UBE2J1: variants seen among roughly 807,000 people sequenced by gnomAD.
The protein encoded by UBE2J1 is ubiquitin-conjugating enzyme E2 J1.
In UBE2J1, 17 loss-of-function variants were observed where a neutral mutation model predicts 42.1. That is an observed-to-expected ratio of 0.40 (90% CI 0.28 to 0.61). The LOEUF is 0.61. Ranked by LOEUF, UBE2J1 falls within the 20% of genes least tolerant of loss-of-function variation. The probability of loss-of-function intolerance (pLI) is 0.38; values close to 1 mark genes in which losing one functional copy is unlikely to be tolerated. For synonymous variants in UBE2J1, 127 were observed against 137.2 expected (o/e 0.93, Z 0.52); for missense variants, 291 against 389.4 (o/e 0.75, Z 2.13).
In UBE2J1 at chr6:89,327,754, G is replaced by A. The variant is rs564914052; in HGVS notation, c.*1925C>T. Reference sequence around the variant, plus strand: ...GCAATAAGATCACATCGATCCAGAGGCTGGCTCAAGTTTGACTGAGGGGAA... The same window carrying A: ...GCAATAAGATCACATCGATCCAGAGACTGGCTCAAGTTTGACTGAGGGGAA... On this transcript the variant is annotated 3_prime_UTR_variant, in exon 8 of 8. Coordinates refer to ENST00000435041, the MANE Select transcript of UBE2J1 (RefSeq NM_016021.3). 1 of 152,330 alleles carries A rather than the reference G, an allele frequency of 6.6e-6. No individual in the cohort carries two copies. Among genetic ancestry groups the A allele is most frequent in the Non-Finnish European group, 1.5e-5 (1 of 68,038 alleles). 9.4% of individuals were successfully genotyped at this position (152,330 alleles called of 1,614,324 possible). A position where few individuals can be genotyped will look rare whatever the true frequency, so the allele number is the denominator to read the frequency against.
chr6:89,345,822 G>A (rs1347674066), intron 1 of UBE2J1, among the ~76,000 whole-genome samples: 7 of 151,312 alleles, frequency 4.6e-5, no homozygotes, highest in Admixed American at 3.9e-4. Flanking sequence ...CAGGAGAATC[G>A]CTTAAACCCA....
At chr6:89,352,504 C>A in intron 1 of UBE2J1, 35 bp downstream of exon 1, 1 of 1,552,770 alleles carries the variant, frequency 6.4e-7, no homozygotes, top group African/African-American at 1.4e-5. Context: ...AGGGTCACTC[C>A]GCCCTCCTCG....
chr6:89,341,693 C>T (rs1288066970), intron 3 of UBE2J1, among the ~76,000 whole-genome samples: 1 of 151,562 alleles, frequency 6.6e-6, no homozygotes, highest in African/African-American at 2.4e-5. Context: ...TACTGCGCTC[C>T]AGCCTGGGCA....
Position 89,327,139 on chromosome 6 carries a change from A to G in UBE2J1, c.*2540T>C, listed in dbSNP as rs547401051. On this transcript the variant is annotated 3_prime_UTR_variant, in exon 8 of 8. Transcript: ENST00000435041. ...GTGCTACATAAAAGCCCCACATTACATAAATTTTGAAAAGTTTATTGGCTT... is the reference window on the plus strand; with the variant it reads ...GTGCTACATAAAAGCCCCACATTACGTAAATTTTGAAAAGTTTATTGGCTT... 4 of 152,762 alleles carry G rather than the reference A, an allele frequency of 2.6e-5. No homozygotes were observed. The highest frequency in any genetic ancestry group is 4.1e-4 in the South Asian group (2 of 4,832). The allele number at this position is 152,762 out of a possible 1,614,324, so 9.5% of individuals were successfully genotyped here. A position where few individuals can be genotyped will look rare whatever the true frequency, so the allele number is the denominator to read the frequency against.
chr6:89,345,113 A>C, intron 1 of UBE2J1, among the ~76,000 whole-genome samples: 1 of 152,216 alleles, frequency 6.6e-6, no homozygotes, highest in South Asian at 2.1e-4. Flanking sequence ...TGGAAGAGAA[A>C]AGGAGTCAGG....
intron 5 of UBE2J1, among the ~76,000 whole-genome samples, chr6:89,336,724 T>G (rs1768114777): frequency 6.6e-6 from 1 of 152,126 alleles, no homozygotes; most frequent in Admixed American, 6.5e-5. Flanking sequence ...TACAAATTAT[T>G]TGCTTCAAAA....
In UBE2J1 at chr6:89,342,323, C is replaced by A. The variant is rs1768260516; in HGVS notation, c.237+1G>T. ...GCACTCTAAAAATCCAAAATTCTTA[C>A]CGTTAGGAGAATAATGCTTGGTGGT... On this transcript the variant is annotated splice_donor_variant, in intron 3 of 7. Coordinates refer to ENST00000435041, the MANE Select transcript of UBE2J1 (RefSeq NM_016021.3). LOFTEE classifies it high-confidence loss of function. The A allele has an allele frequency of 6.2e-7, 1 of 1,613,748 alleles. No individual in the cohort carries two copies. Among genetic ancestry groups the A allele is most frequent in the Non-Finnish European group, 8.5e-7 (1 of 1,179,914 alleles).
chr6:89,345,542 C>T (rs956732175), intron 1 of UBE2J1, among the ~76,000 whole-genome samples: 11 of 151,840 alleles, frequency 7.2e-5, no homozygotes, highest in Admixed American at 3.9e-4. Flanking sequence ...GTGGAGGTTG[C>T]AGTGAGCTGA....
intron 1 of UBE2J1, among the ~76,000 whole-genome samples, chr6:89,346,123 T>C (rs1004565491): frequency 3.3e-5 from 5 of 152,024 alleles, no homozygotes; most frequent in Admixed American, 1.3e-4. Flanking sequence ...GCAATCCTCC[T>C]ACCTCAGCCT....
At position 89,326,968 on chromosome 6, in the gene UBE2J1, CAA is replaced by C. The variant is rs1315205030; in HGVS notation, c.*2709_*2710del. 1 of 152,442 alleles carries C rather than the reference CAA, an allele frequency of 6.6e-6. No individual in the cohort carries two copies. The highest frequency in any genetic ancestry group is 2.4e-5 in the African/African-American group (1 of 41,388). 9.4% of individuals were successfully genotyped at this position (152,442 alleles called of 1,614,324 possible). A position where few individuals can be genotyped will look rare whatever the true frequency, so the allele number is the denominator to read the frequency against. On this transcript the variant is annotated 3_prime_UTR_variant, in exon 8 of 8. Transcript: ENST00000435041. ...AAAGTTTATTCATAGCCAAAAATGACAAAAAGAGTTCTTATTCTCCCAAAATA... is the reference window on the plus strand; with the variant it reads ...AAAGTTTATTCATAGCCAAAAATGACAAAGAGTTCTTATTCTCCCAAAATA...
At chr6:89,331,523 A>C (rs1768008108) in intron 7 of UBE2J1, among the ~76,000 whole-genome samples, 1 of 152,198 alleles carries the variant, frequency 6.6e-6, no homozygotes, top group African/African-American at 2.4e-5. Flanking sequence ...TCATTCATTC[A>C]ATCAACAAAC....
intron 5 of UBE2J1, among the ~76,000 whole-genome samples, chr6:89,337,183 TAG>T (rs1336396909): frequency 6.6e-6 from 1 of 151,166 alleles, no homozygotes; most frequent in Non-Finnish European, 1.5e-5. Flanking sequence ...ACTGAGAATC[TAG>T]AATATACAGT....
At chr6:89,331,577 T>C (rs552568502) in intron 7 of UBE2J1, among the ~76,000 whole-genome samples, 1 of 152,318 alleles carries the variant, frequency 6.6e-6, no homozygotes, top group Non-Finnish European at 1.5e-5. Context: ...AGCCAGGCAC[T>C]GGGGATACAG....
intron 7 of UBE2J1, among the ~76,000 whole-genome samples, chr6:89,332,483 T>C (rs1044083952): frequency 1.3e-5 from 2 of 152,218 alleles, no homozygotes; most frequent in South Asian, 4.1e-4. Flanking sequence ...CGAGGTAGCA[T>C]TGTCCAACAG....
At chr6:89,342,586 C>T in intron 2 of UBE2J1, 131 bp from the exon 3 acceptor site, 4 of 772,522 alleles carry the variant, frequency 5.2e-6, no homozygotes, top group Non-Finnish European at 7.8e-6. Flanking sequence ...GTTTCTAATG[C>T]ATGAGATGTC....
At position 89,326,915 on chromosome 6, in the gene UBE2J1, A is replaced by AT. The variant is rs1767921710; in HGVS notation, c.*2763dup. ...TTTACCTGTTTTCTGATTCTGATCT[A>AT]TAAAAATGGGTGGTCTCAAAAGACC... On this transcript the variant is annotated 3_prime_UTR_variant, in exon 8 of 8. Coordinates refer to ENST00000435041, the MANE Select transcript of UBE2J1 (RefSeq NM_016021.3). The AT allele has an allele frequency of 6.6e-6, 1 of 152,556 alleles. No homozygotes were observed. The highest frequency in any genetic ancestry group is 2.4e-5 in the African/African-American group (1 of 41,454). 9.5% of individuals were successfully genotyped at this position (152,556 alleles called of 1,614,324 possible).
At position 89,332,936 on chromosome 6, in the gene UBE2J1, C is replaced by T. The variant is rs1768036270; in HGVS notation, c.678+150G>A. 5 of 574,080 alleles carry T rather than the reference C, an allele frequency of 8.7e-6. No individual in the cohort carries two copies. The South Asian group carries it at 1.8e-4, about 21-fold the overall frequency. The allele number at this position is 574,080 out of a possible 1,614,324, so 35.6% of individuals were successfully genotyped here. ...CAGAAAGCATGAACAACTTGCTCAA[C>T]ATAATAATTCATTAGCGGGACTGAT... On this transcript the variant is annotated intron_variant, in intron 7 of 7. Coordinates refer to ENST00000435041, the MANE Select transcript of UBE2J1 (RefSeq NM_016021.3).
Position 89,345,020 on chromosome 6 carries a change from G to GT in UBE2J1, c.32-1265dup, listed in dbSNP as rs548453335. Among the ~76,000 whole-genome samples, 337 of 152,302 alleles carry GT rather than the reference G, an allele frequency of 2.2e-3. 2 individuals are homozygous for GT. The highest frequency in any genetic ancestry group is 6.8e-3 in the Middle Eastern group (2 of 294). On this transcript the variant is annotated intron_variant, in intron 1 of 7. Transcript: ENST00000435041. ...TAGGGAAAAGGCTTCTCAAAACTGG[G>GT]TTTGCAACCACTGATGTAGCTCAAA...
rs560786608 is a variant in UBE2J1, at chr6:89,337,681, G to GA, written c.428+523dup. Reference sequence around the variant, plus strand: ...TATAGACAAAAGTGCACCTGCACCTGAAAAAAACAGAGAAGGCATCACTTC... The same window carrying GA: ...TATAGACAAAAGTGCACCTGCACCTGAAAAAAAACAGAGAAGGCATCACTTC... On this transcript the variant is annotated intron_variant, in intron 5 of 7. Coordinates refer to ENST00000435041, the MANE Select transcript of UBE2J1 (RefSeq NM_016021.3). Among the ~76,000 whole-genome samples the GA allele has an allele frequency of 2.6e-5, 4 of 152,004 alleles. No individual in the cohort carries two copies. The East Asian group carries it at 5.8e-4, about 22-fold the overall frequency.
Sources: gnomAD v4.1 joint callset for allele counts (sites outside exome capture counted in the v4.1 genomes callset) on GRCh38, gnomAD v4.1.1 for gene constraint, MANE v1.5 for transcripts, NCBI Gene and HGNC (gene_info 2026-07-23, HGNC 2026-07-21) for gene names.